Variants in RFX3 observed in about 807,000 individuals in gnomAD.
RFX3 encodes transcription factor RFX3.
In RFX3, 14 loss-of-function variants were observed where a neutral mutation model predicts 98.6. That is an observed-to-expected ratio of 0.14 (90% CI 0.09 to 0.22). The LOEUF is 0.22. Among genes scored for constraint, RFX3 ranks in the 10% least tolerant of loss-of-function variants. The pLI is 1.00. For synonymous variants in RFX3, 383 were observed against 328.4 expected, an observed-to-expected ratio of 1.17 and a Z score of -1.80; for missense variants, 639 against 926.9, an observed-to-expected ratio of 0.69 and a Z score of 4.03.
chr9:3,366,715 T>TTTCTTTC lies in RFX3; in HGVS notation c.118-19958_118-19952dup, dbSNP rs1554681372. Among the ~76,000 whole-genome samples the TTTCTTTC allele has an allele frequency of 9.1e-3, 1,291 of 141,910 alleles. 30 individuals are homozygous for TTTCTTTC. Among genetic ancestry groups the TTTCTTTC allele is most frequent in the East Asian group, 0.072 (338 of 4,664 alleles). The allele number at this position is 141,910 out of a possible 152,430, so 93.1% of individuals were successfully genotyped here. Reference sequence around the variant, plus strand: ...TTTCCTTTCTTTCTTTCTTTCTTTCTTTCTTTCTTTCTTTCTTTCTTTCTT... The same window carrying TTTCTTTC: ...TTTCCTTTCTTTCTTTCTTTCTTTCTTTCTTTCTTCTTTCTTTCTTTCTTTCTTTCTT... On this transcript the variant is annotated intron_variant, in intron 2 of 16. Coordinates refer to ENST00000617270, the MANE Select transcript of RFX3 (RefSeq NM_001282116.2).
chr9:3,280,168 C>T (rs1195305476), intron 7 of RFX3, among the ~76,000 whole-genome samples: 1 of 151,744 alleles, frequency 6.6e-6, no homozygotes, highest in Non-Finnish European at 1.5e-5. Flanking sequence ...GGTTGCTTGG[C>T]TACAGGACCT....
intron 8 of RFX3, among the ~76,000 whole-genome samples, chr9:3,276,515 A>C (rs1262860470): frequency 1.3e-5 from 2 of 152,132 alleles, no homozygotes; most frequent in Non-Finnish European, 2.9e-5. Flanking sequence ...TGAAATCACA[A>C]AATAAAATTC....
chr9:3,317,367 T>C lies in RFX3; in HGVS notation c.474+12892A>G, dbSNP rs150492372. ...TCCTTACACCTTATGCAAAAATTAATTCAAGATGGATTAAAGACTTAAATG... is the reference window on the plus strand; with the variant it reads ...TCCTTACACCTTATGCAAAAATTAACTCAAGATGGATTAAAGACTTAAATG... On this transcript the variant is annotated intron_variant, in intron 4 of 16. Transcript: ENST00000617270. Among the ~76,000 whole-genome samples, 231 of 152,294 alleles carry C rather than the reference T, an allele frequency of 1.5e-3. 1 individual carries two copies. The highest frequency in any genetic ancestry group is 5.1e-3 in the African/African-American group (213 of 41,578).
rs1332781656 is a variant in RFX3 at position 3,223,583 on chromosome 9, A to C, written c.*1459T>G. ...CCTTAAGCAATCTGATTTGTAATCAAGTAATATTCAGCTCTAAGAATAAAA... is the reference window on the plus strand; with the variant it reads ...CCTTAAGCAATCTGATTTGTAATCACGTAATATTCAGCTCTAAGAATAAAA... On this transcript the variant is annotated 3_prime_UTR_variant, in exon 17 of 17. Transcript: ENST00000617270. The C allele has an allele frequency of 3.3e-5, 5 of 152,262 alleles. No individual in the cohort carries two copies. The highest frequency in any genetic ancestry group is 1.2e-4 in the African/African-American group (5 of 41,472). 9.4% of individuals were successfully genotyped at this position (152,262 alleles called of 1,614,324 possible).
intron 1 of RFX3, among the ~76,000 whole-genome samples, chr9:3,424,010 G>T (rs763905421): frequency 3.3e-5 from 5 of 151,504 alleles, no homozygotes; most frequent in Non-Finnish European, 7.4e-5. Context: ...AGCCGGGCGT[G>T]GTGGCAGGTG....
At chr9:3,274,111 G>A (rs991432258) in intron 9 of RFX3, among the ~76,000 whole-genome samples, 3 of 152,168 alleles carry the variant, frequency 2.0e-5, no homozygotes, top group African/African-American at 7.2e-5. Flanking sequence ...GGAATGTTGG[G>A]AACTGGTAGG....
At chr9:3,317,702 T>G (rs1370985213) in intron 4 of RFX3, among the ~76,000 whole-genome samples, 1 of 152,124 alleles carries the variant, frequency 6.6e-6, no homozygotes, top group East Asian at 1.9e-4. Context: ...CATCAAAAAG[T>G]GGGCAAAGGA....
At chr9:3,240,238 G>C (rs1333275441) in intron 15 of RFX3, among the ~76,000 whole-genome samples, 1 of 152,154 alleles carries the variant, frequency 6.6e-6, no homozygotes, top group Non-Finnish European at 1.5e-5. Flanking sequence ...TTTATTTATA[G>C]TCTGATTCAT....
chr9:3,260,621 TC>T (rs1822750644), intron 13 of RFX3, among the ~76,000 whole-genome samples: 1 of 151,690 alleles, frequency 6.6e-6, no homozygotes, highest in Non-Finnish European at 1.5e-5. Flanking sequence ...TTTAAACAAA[TC>T]TTTTCTGAAA....
At chr9:3,349,496 T>C (rs1015696925) in intron 2 of RFX3, among the ~76,000 whole-genome samples, 6 of 152,044 alleles carry the variant, frequency 3.9e-5, no homozygotes, top group Non-Finnish European at 7.4e-5. Flanking sequence ...ATCTATGTGG[T>C]TCCAAAGCCA....
At chr9:3,408,836 C>CT (rs1842215990) in intron 1 of RFX3, among the ~76,000 whole-genome samples, 1 of 152,168 alleles carries the variant, frequency 6.6e-6, no homozygotes, top group Admixed American at 6.5e-5. Context: ...ACTACTGCCT[C>CT]TTTTTCCCCG....
rs183816439 is a variant in RFX3 at position 3,416,952 on chromosome 9, T to C, written c.-8-21356A>G. 1.1e-4 allele frequency among the ~76,000 whole-genome samples: 17 copies of C among 151,884 alleles called. 1 individual carries two copies. Among genetic ancestry groups the C allele is most frequent in the Admixed American group, 3.9e-4 (6 of 15,256 alleles). On this transcript the variant is annotated intron_variant, in intron 1 of 16. Transcript: ENST00000617270. ...AAGAGACAGAGATTGTCAAACCTTA[T>C]AAAAAACAAAGACAAACAAAATGCT...
intron 2 of RFX3, among the ~76,000 whole-genome samples, chr9:3,382,824 C>T (rs752296358): frequency 3.8e-4 from 58 of 151,916 alleles, no homozygotes; most frequent in Admixed American, 7.9e-4. Flanking sequence ...ATTTATTTTT[C>T]GCTATATATT....
At chr9:3,252,445 G>C (rs2131032785) in intron 14 of RFX3, among the ~76,000 whole-genome samples, 1 of 152,154 alleles carries the variant, frequency 6.6e-6, no homozygotes, top group East Asian at 1.9e-4. Flanking sequence ...GGGGTATCTA[G>C]AAAATTCTTT....
At chr9:3,523,351 A>G (rs1243123575) in intron 1 of RFX3, among the ~76,000 whole-genome samples, 1 of 152,224 alleles carries the variant, frequency 6.6e-6, no homozygotes, top group Non-Finnish European at 1.5e-5. Context: ...CTAAGTATCT[A>G]TCCTTGTGTT....
At chr9:3,243,753 A>C (rs1289938502) in intron 15 of RFX3, among the ~76,000 whole-genome samples, 1 of 152,192 alleles carries the variant, frequency 6.6e-6, no homozygotes, top group Non-Finnish European at 1.5e-5. Flanking sequence ...TTTCCAAAGC[A>C]AGCACCTGTA....
In RFX3 at chr9:3,437,188, C is replaced by T. The variant is rs1190172499; in HGVS notation, c.-8-41592G>A. Among the ~76,000 whole-genome samples, 5 of 152,040 alleles carry T rather than the reference C, an allele frequency of 3.3e-5. 1 individual carries two copies. The East Asian group carries it at 9.6e-4, about 29-fold the overall frequency. On this transcript the variant is annotated intron_variant, in intron 1 of 16. Transcript: ENST00000617270. ...TTACCATGAATCCTTCTGCAAAGGG[C>T]TCCTGCTTGCAGAATTAAGCCAGCT...
At chr9:3,336,999 T>TA (rs1346966758) in intron 3 of RFX3, among the ~76,000 whole-genome samples, 9 of 152,222 alleles carry the variant, frequency 5.9e-5, no homozygotes, top group African/African-American at 2.2e-4. Context: ...ATGATAGTTT[T>TA]AAAAGCTTAA....
chr9:3,406,994 G>C (rs928261470), intron 1 of RFX3, among the ~76,000 whole-genome samples: 1 of 152,146 alleles, frequency 6.6e-6, no homozygotes, highest in African/African-American at 2.4e-5. Flanking sequence ...AAGTACATCT[G>C]ATTCGCTGAA....
Sources: gnomAD v4.1 joint callset for allele counts (sites outside exome capture counted in the v4.1 genomes callset) on GRCh38, gnomAD v4.1.1 for gene constraint, MANE v1.5 for transcripts, NCBI Gene and HGNC (gene_info 2026-07-23, HGNC 2026-07-21) for gene names.